Variants in PHACTR2 observed in about 807,000 individuals in gnomAD.
PHACTR2 encodes the protein chromosome 6 open reading frame 56.
Under a neutral mutation model 76.0 loss-of-function variants are expected in PHACTR2, and 30 were observed. That is an observed-to-expected ratio of 0.39 (90% CI 0.30 to 0.54). PHACTR2 has a LOEUF of 0.54. PHACTR2 is among the 20% of genes least tolerant of loss of function. PHACTR2 has a pLI of 0.61. For missense variants in PHACTR2, 696 were observed against 781.1 expected, an observed-to-expected ratio of 0.89 and a Z score of 1.30; for synonymous variants, 292 against 292.5, an observed-to-expected ratio of 1.00 and a Z score of 0.02.
rs937546375 is a variant in PHACTR2 at position 143,777,902 on chromosome 6, C to G, written c.1645+519C>G. Among the ~76,000 whole-genome samples, 1 of 152,158 alleles carries G rather than the reference C, an allele frequency of 6.6e-6. No individual in the cohort carries two copies. Among genetic ancestry groups the G allele is most frequent in the Non-Finnish European group, 1.5e-5 (1 of 68,016 alleles). On this transcript the variant is annotated intron_variant, in intron 9 of 12. Transcript: ENST00000440869. The surrounding 1 kb of genome is among the most constrained non-coding windows in gnomAD (Gnocchi z 4.6). ...TTGAGTTGTTTATAATTTCTCAGCACTAAAACGTTCTCCATTCATTTTCCT... is the reference window on the plus strand; with the variant it reads ...TTGAGTTGTTTATAATTTCTCAGCAGTAAAACGTTCTCCATTCATTTTCCT...
At chr6:143,657,212 G>T (rs1776863437) in intron 1 of PHACTR2, among the ~76,000 whole-genome samples, 1 of 151,444 alleles carries the variant, frequency 6.6e-6, no homozygotes, top group Non-Finnish European at 1.5e-5. Flanking sequence ...TAACAAACTT[G>T]CACATTCTGC....
In PHACTR2 at chr6:143,733,870, TTA is replaced by T. The variant is rs1377527631; in HGVS notation, c.215-15110_215-15109del. Reference sequence around the variant, plus strand: ...CTAGAAATTCTGTGGGCAAGAGATATTATATAATAATTTTATTACGTATGCTT... The same window carrying T: ...CTAGAAATTCTGTGGGCAAGAGATATTATAATAATTTTATTACGTATGCTT... On this transcript the variant is annotated intron_variant, in intron 2 of 12. Transcript: ENST00000440869. This position sits in a 1 kb window ranked among gnomAD's most constrained non-coding sequence, Gnocchi z 4.0. Among the ~76,000 whole-genome samples the T allele has an allele frequency of 6.6e-6, 1 of 152,192 alleles. No homozygotes were observed. The highest frequency in any genetic ancestry group is 1.5e-5 in the Non-Finnish European group (1 of 68,038).
rs1489434774 is a variant in PHACTR2 at position 143,678,044 on chromosome 6, C to T, written c.-120C>T. 17 of 1,522,072 alleles carry T rather than the reference C, an allele frequency of 1.1e-5. No individual in the cohort carries two copies. The highest frequency in any genetic ancestry group is 1.5e-5 in the Non-Finnish European group (17 of 1,131,834). The allele number at this position is 1,522,072 out of a possible 1,614,324, so 94.3% of individuals were successfully genotyped here. ...GCGCGGGGTAGAAGGTGAGGGGACC[C>T]GGCGGGCCGCTCGGCACAGGCCGGG... is the stretch of plus-strand genomic sequence containing the variant. On this transcript the variant is annotated 5_prime_UTR_variant, in exon 1 of 13. Coordinates refer to ENST00000440869, the MANE Select transcript of PHACTR2 (RefSeq NM_001100164.2). The surrounding 1 kb of genome is among the most constrained non-coding windows in gnomAD (Gnocchi z 6.2).
intron 1 of PHACTR2, among the ~76,000 whole-genome samples, chr6:143,588,321 T>A (rs1775650739): frequency 6.6e-6 from 1 of 152,214 alleles, no homozygotes; most frequent in African/African-American, 2.4e-5. Flanking sequence ...ATTGGCCTGG[T>A]CATTCAATAA....
At chr6:143,691,946 T>C (rs777866234) in intron 1 of PHACTR2, among the ~76,000 whole-genome samples, 18 of 152,240 alleles carry the variant, frequency 1.2e-4, no homozygotes, top group Non-Finnish European at 2.1e-4. Context: ...GGCTTTTTAT[T>C]TTCGCCTCTG....
chr6:143,638,601 C>CACA (rs763493806), intron 1 of PHACTR2, among the ~76,000 whole-genome samples: 9 of 137,880 alleles, frequency 6.5e-5, no homozygotes, highest in Admixed American at 2.2e-4. Context: ...ACACACACAC[C>CACA]CAGCTATCCA....
rs1775804625 is a variant in PHACTR2, at chr6:143,795,520, A to G, written c.1845+6610A>G. ...AAATAGAGATGGCCTGGTTTCCTGC[A>G]CTGAGGTAGATAGACGAGCTGGCCC... On this transcript the variant is annotated intron_variant, in intron 11 of 12. Coordinates refer to ENST00000440869, the MANE Select transcript of PHACTR2 (RefSeq NM_001100164.2). The surrounding 1 kb of genome is among the most constrained non-coding windows in gnomAD (Gnocchi z 4.8). Among the ~76,000 whole-genome samples, 1 of 152,250 alleles carries G rather than the reference A, an allele frequency of 6.6e-6. No individual in the cohort carries two copies. Among genetic ancestry groups the G allele is most frequent in the African/African-American group, 2.4e-5 (1 of 41,472 alleles).
chr6:143,596,760 C>A lies in PHACTR2; in HGVS notation c.217+59553C>A, dbSNP rs1775760449. Among the ~76,000 whole-genome samples the A allele has an allele frequency of 6.6e-6, 1 of 152,072 alleles. No homozygotes were observed. The highest frequency in any genetic ancestry group is 1.5e-5 in the Non-Finnish European group (1 of 68,008). On this transcript the variant is annotated intron_variant, in intron 1 of 11. Transcript: ENST00000367584. The surrounding 1 kb of genome is among the most constrained non-coding windows in gnomAD (Gnocchi z 4.6). ...GGCTAAGGCAGGAGGATCGCTTAAG[C>A]CCAGGAGTTTGAGGTTGCAGTGAAC...
At chr6:143,748,264 A>G (rs1003768075) in intron 2 of PHACTR2, among the ~76,000 whole-genome samples, 3 of 152,036 alleles carry the variant, frequency 2.0e-5, no homozygotes, top group African/African-American at 7.2e-5. Flanking sequence ...GGGTTTTGCC[A>G]TGTTGGCCAG....
intron 2 of PHACTR2, among the ~76,000 whole-genome samples, chr6:143,746,840 A>G (rs1285051911): frequency 6.6e-6 from 1 of 152,092 alleles, no homozygotes; most frequent in Non-Finnish European, 1.5e-5. Context: ...CAGTTTAAAA[A>G]AAAAAAAAAG....
chr6:143,820,801 G>T lies in PHACTR2; in HGVS notation c.1923-2873G>T, dbSNP rs1001673952. Among the ~76,000 whole-genome samples the T allele has an allele frequency of 1.3e-5, 2 of 152,206 alleles. No homozygotes were observed. Among genetic ancestry groups the T allele is most frequent in the Non-Finnish European group, 2.9e-5 (2 of 68,042 alleles). ...CAACTCCTCATTTCCCTTCCACACT[G>T]CCCTAGTAGAGGTTCTCTGTGGGGG... is the stretch of plus-strand genomic sequence containing the variant. On this transcript the variant is annotated intron_variant, in intron 12 of 12. Transcript: ENST00000440869. The surrounding 1 kb of genome is among the most constrained non-coding windows in gnomAD (Gnocchi z 4.2).
chr6:143,721,865 C>A (rs1176491402), intron 2 of PHACTR2, among the ~76,000 whole-genome samples: 1 of 152,166 alleles, frequency 6.6e-6, no homozygotes, highest in Non-Finnish European at 1.5e-5. Flanking sequence ...CAAGCCTGAC[C>A]AGTTCCCTGT....
In PHACTR2 at chr6:143,816,318, A is replaced by C. The variant is rs185451385; in HGVS notation, c.1923-7356A>C. ...AAATAGCAAAATACCGAGAAATAACAAACTGAAGAGTATTTTGCATTTTCA... is the reference window on the plus strand; with the variant it reads ...AAATAGCAAAATACCGAGAAATAACCAACTGAAGAGTATTTTGCATTTTCA... On this transcript the variant is annotated intron_variant, in intron 12 of 12. Transcript: ENST00000440869. The surrounding 1 kb of genome is among the most constrained non-coding windows in gnomAD (Gnocchi z 4.5). 2.2e-4 allele frequency among the ~76,000 whole-genome samples: 33 copies of C among 152,332 alleles called. No homozygotes were observed. The East Asian group carries it at 5.6e-3, about 26-fold the overall frequency.
intron 1 of PHACTR2, among the ~76,000 whole-genome samples, chr6:143,609,336 A>G (rs1046761192): frequency 2.0e-5 from 3 of 152,370 alleles, no homozygotes; most frequent in African/African-American, 7.2e-5. Context: ...ATAGCTTACC[A>G]GGAACAAAAC....
Position 143,696,700 on chromosome 6 carries a change from A to G in PHACTR2, c.47-15316A>G, listed in dbSNP as rs1777778699. 6.6e-6 allele frequency among the ~76,000 whole-genome samples: 1 copy of G among 152,168 alleles called. No individual in the cohort carries two copies. ...GTTTATATTTAAATGGCTATTTCCT[A>G]TTTTTTAAGCATACGCAAAGTCATA... On this transcript the variant is annotated intron_variant, in intron 1 of 12. Transcript: ENST00000440869. The surrounding 1 kb of genome is among the most constrained non-coding windows in gnomAD (Gnocchi z 4.1).
In PHACTR2 at chr6:143,617,364, G is replaced by C. The variant is rs1049535848; in HGVS notation, c.13+9042G>C. Among the ~76,000 whole-genome samples the C allele has an allele frequency of 5.9e-5, 9 of 152,220 alleles. No individual in the cohort carries two copies. Among genetic ancestry groups the C allele is most frequent in the African/African-American group, 9.7e-5 (4 of 41,448 alleles). ...ACCAGATTTAAAAGTCTTGAGGGCA[G>C]ATGCCACATCATAGACATCTTTTAT... On this transcript the variant is annotated intron_variant, in intron 1 of 11. Transcript: ENST00000305766. The surrounding 1 kb of genome is among the most constrained non-coding windows in gnomAD (Gnocchi z 4.8).
chr6:143,548,084 T>C lies in PHACTR2; in HGVS notation c.217+10877T>C, dbSNP rs1354920989. On this transcript the variant is annotated intron_variant, in intron 1 of 11. Transcript: ENST00000367584. The surrounding 1 kb of genome is among the most constrained non-coding windows in gnomAD (Gnocchi z 4.5). ...TTTCTCTTATTATGTCTCACAGTTC[T>C]GGAGGCTGGAAGTTCAAGATCAAGA... Among the ~76,000 whole-genome samples the C allele has an allele frequency of 2.0e-5, 3 of 152,206 alleles. No homozygotes were observed. In the East Asian group the frequency reaches 5.8e-4, roughly 29 times the overall value.
At chr6:143,630,098 G>A (rs1776336222) in intron 1 of PHACTR2, among the ~76,000 whole-genome samples, 1 of 150,286 alleles carries the variant, frequency 6.7e-6, no homozygotes, top group Non-Finnish European at 1.5e-5. Flanking sequence ...TTTAATAGTG[G>A]GATTTGAGTC....
intron 11 of PHACTR2, among the ~76,000 whole-genome samples, chr6:143,802,612 C>G (rs1386450689): frequency 7.4e-6 from 1 of 134,338 alleles, no homozygotes; most frequent in Non-Finnish European, 1.5e-5. Flanking sequence ...ACACCACCTG[C>G]ACTCCAGCCT....
Sources: gnomAD v4.1 joint callset for allele counts (sites outside exome capture counted in the v4.1 genomes callset) on GRCh38, gnomAD v4.1.1 for gene constraint, Gnocchi (gnomAD v3.1) non-coding constraint, MANE v1.5 for transcripts, NCBI Gene and HGNC (gene_info 2026-07-23, HGNC 2026-07-21) for gene names.